The following ECE1 variants were observed in gnomAD, a reference collection of about 807,000 sequenced individuals.
The protein encoded by ECE1 is endothelin converting enzyme 1.
Under a neutral mutation model 98.6 loss-of-function variants are expected in ECE1, and 35 were observed. The ratio of observed to expected loss-of-function variants is 0.35; its 90% CI spans 0.27 to 0.47. The LOEUF (loss-of-function observed/expected upper bound fraction) is 0.47, where lower values mean the gene tolerates loss of function less well. ECE1 is among the 20% of genes least tolerant of loss of function. ECE1 has a pLI of 1.00. For synonymous variants in ECE1, 394 were observed against 407.1 expected, an observed-to-expected ratio of 0.97 and a Z score of 0.39; for missense variants, 814 against 1,025.3, an observed-to-expected ratio of 0.79 and a Z score of 2.81.
chr1:21,297,116 G>A (rs748168315), intron 1 of ECE1, among the ~76,000 whole-genome samples: 4 of 152,236 alleles, frequency 2.6e-5, no homozygotes, highest in Admixed American at 1.3e-4. Context: ...CTGGGCTCCC[G>A]TGAATGTGCT....
intron 14 of ECE1, among the ~76,000 whole-genome samples, chr1:21,231,527 A>T (rs2098181726): frequency 6.6e-6 from 1 of 152,102 alleles, no homozygotes; most frequent in Non-Finnish European, 1.5e-5. Flanking sequence ...TATTTAGTAG[A>T]GACGGGATTT....
Position 21,236,824 on chromosome 1 carries a change from C to T in ECE1, c.1410G>A (p.Glu470=). 6.2e-7 allele frequency: 1 copy of T among 1,613,968 alleles called. No homozygotes were observed. The highest frequency in any genetic ancestry group is 8.5e-7 in the Non-Finnish European group (1 of 1,180,008). Residue 470 remains glutamate (E), a synonymous_variant, in exon 12 of 19, where the codon GAG becomes GAA. Coordinates refer to ENST00000374893, the MANE Select transcript of ECE1 (RefSeq NM_001397.3). Reference sequence around the variant, plus strand: ...GGCTTTCCTCAAATGCCTTCTTAATCTCCAGGATGATCTCGGTGGCCTGAG... The same window carrying T: ...GGCTTTCCTCAAATGCCTTCTTAATTTCCAGGATGATCTCGGTGGCCTGAG... ...SKSIATEIIL[E]IKKAFEESLS...
chr1:21,264,701 A>G (rs993805783), intron 4 of ECE1, among the ~76,000 whole-genome samples: 3 of 152,234 alleles, frequency 2.0e-5, no homozygotes, highest in African/African-American at 7.2e-5. Context: ...CTTGCAGGAC[A>G]AAGCATCTCA....
At chr1:21,239,061 G>T (rs2098192160) in intron 10 of ECE1, among the ~76,000 whole-genome samples, 1 of 148,260 alleles carries the variant, frequency 6.7e-6, no homozygotes, top group Non-Finnish European at 1.5e-5. Context: ...TAGAACTCTT[G>T]GGCTCAAGTG....
chr1:21,275,002 A>T (rs1399362252), intron 3 of ECE1, among the ~76,000 whole-genome samples: 1 of 152,228 alleles, frequency 6.6e-6, no homozygotes, highest in Non-Finnish European at 1.5e-5. Flanking sequence ...AAGAATTTCC[A>T]TGTAGGTTGA....
At chr1:21,280,321 A>G (rs916356426) in intron 2 of ECE1, among the ~76,000 whole-genome samples, 1 of 152,174 alleles carries the variant, frequency 6.6e-6, no homozygotes, top group African/African-American at 2.4e-5. Context: ...GCACCAACTC[A>G]GGGCCATGCT....
At chr1:21,264,316 C>CG (rs1221122957) in intron 4 of ECE1, among the ~76,000 whole-genome samples, 1 of 80,118 alleles carries the variant, frequency 1.2e-5, no homozygotes, top group Admixed American at 1.2e-4. Context: ...AATTCCCCCC[C>CG]CCCCTTTTTT....
intron 16 of ECE1, 25 bp downstream of exon 16, chr1:21,227,128 ATGAGCC>A (rs1254038872): frequency 6.2e-7 from 1 of 1,610,916 alleles, no homozygotes; most frequent in East Asian, 2.2e-5. Flanking sequence ...GATTACAGGC[ATGAGCC>A]ATCGTGCCCA....
At chr1:21,241,947 C>G (rs1236573092) in intron 10 of ECE1, among the ~76,000 whole-genome samples, 1 of 152,158 alleles carries the variant, frequency 6.6e-6, no homozygotes, top group East Asian at 1.9e-4. Flanking sequence ...GCAGCCTCCT[C>G]CACCCTGACC....
rs1172944551 is a variant in ECE1 at position 21,219,021 on chromosome 1, A to C, written c.*934T>G. ...ACATGGGACAGCCCGAAAAGGTGGG[A>C]CTGAGAGGGGACACTTGTGGCCAGC... On this transcript the variant is annotated 3_prime_UTR_variant, in exon 19 of 19. Coordinates refer to ENST00000374893, the MANE Select transcript of ECE1 (RefSeq NM_001397.3). The surrounding 1 kb of genome is among the most constrained non-coding windows in gnomAD (Gnocchi z 4.5). The C allele has an allele frequency of 6.6e-6, 1 of 152,428 alleles. No individual in the cohort carries two copies. The highest frequency in any genetic ancestry group is 2.4e-5 in the African/African-American group (1 of 41,572). 9.4% of individuals were successfully genotyped at this position (152,428 alleles called of 1,614,324 possible). A position where few individuals can be genotyped will look rare whatever the true frequency, so the allele number is the denominator to read the frequency against.
At chr1:21,285,260 C>T (rs1473032263) in intron 2 of ECE1, among the ~76,000 whole-genome samples, 6 of 152,144 alleles carry the variant, frequency 3.9e-5, no homozygotes, top group South Asian at 2.1e-4. Context: ...CAACTTTCAT[C>T]GCTTCCCAGA....
chr1:21,245,861 A>G (rs2098202718), intron 9 of ECE1, among the ~76,000 whole-genome samples: 2 of 152,092 alleles, frequency 1.3e-5, no homozygotes, highest in Non-Finnish European at 2.9e-5. Flanking sequence ...GGAAAAAAAG[A>G]CCACATATTA....
chr1:21,290,322 G>T lies in ECE1; in HGVS notation c.51+42C>A. 2 of 1,223,002 alleles carry T rather than the reference G, an allele frequency of 1.6e-6. No homozygotes were observed. Among genetic ancestry groups the T allele is most frequent in the Non-Finnish European group, 2.0e-6 (2 of 985,072 alleles). 75.8% of individuals were successfully genotyped at this position (1,223,002 alleles called of 1,614,324 possible). ...AGCGGCCCGCGCGGGGAGGGGTCCCGCCCGCCTCCCGCCCCCGCCCTCCAG... is the reference window on the plus strand; with the variant it reads ...AGCGGCCCGCGCGGGGAGGGGTCCCTCCCGCCTCCCGCCCCCGCCCTCCAG... On this transcript the variant is annotated intron_variant, in intron 1 of 18. Transcript: ENST00000374893. The surrounding 1 kb of genome is among the most constrained non-coding windows in gnomAD (Gnocchi z 7.3).
chr1:21,281,496 C>T (rs1237363305), intron 2 of ECE1, among the ~76,000 whole-genome samples: 1 of 152,174 alleles, frequency 6.6e-6, no homozygotes, highest in Non-Finnish European at 1.5e-5. Flanking sequence ...AATCAGTTAT[C>T]TCACACACTT....
At chr1:21,321,106 G>C in intron 1 of ECE1, among the ~76,000 whole-genome samples, 1 of 152,204 alleles carries the variant, frequency 6.6e-6, no homozygotes, top group East Asian at 1.9e-4. Flanking sequence ...GGAAACCGAG[G>C]TTCCAAGAGG....
chr1:21,320,180 G>A (rs1277907102), intron 1 of ECE1, among the ~76,000 whole-genome samples: 1 of 152,224 alleles, frequency 6.6e-6, no homozygotes, highest in Non-Finnish European at 1.5e-5. Context: ...TTCTGTTTGA[G>A]GTTTGCTGCG....
chr1:21,302,739 C>T (rs894535493), intron 1 of ECE1, among the ~76,000 whole-genome samples: 5 of 152,310 alleles, frequency 3.3e-5, no homozygotes, highest in Non-Finnish European at 7.3e-5. Flanking sequence ...CTCCCCTGGC[C>T]CGCCCTGCCC....
chr1:21,316,762 G>A (rs1314409461), intron 1 of ECE1, among the ~76,000 whole-genome samples: 2 of 152,144 alleles, frequency 1.3e-5, no homozygotes, highest in Admixed American at 6.5e-5. Context: ...AATACTACAC[G>A]GTAATGAAAA....
In ECE1 at chr1:21,235,871, C is replaced by T. The variant is rs1378770302; in HGVS notation, c.1545G>A (p.Glu515=). 6.8e-6 allele frequency: 11 copies of T among 1,614,086 alleles called. No homozygotes were observed. The highest frequency in any genetic ancestry group is 9.3e-6 in the Non-Finnish European group (11 of 1,180,048). Residue 515 remains glutamate, a synonymous_variant, in exon 13 of 19, where the codon GAG becomes GAA. Transcript: ENST00000374893. The surrounding 1 kb of genome is among the most constrained non-coding windows in gnomAD (Gnocchi z 4.2). The part of the protein sequence containing the change: ...GYPNFIMDPK[E]LDKVFNDYTA... Reference sequence around the variant, plus strand: ...TCACGTCATTAAACACTTTGTCCAGCTCCTTGGGATCCATGATGAAGTTGG... The same window carrying T: ...TCACGTCATTAAACACTTTGTCCAGTTCCTTGGGATCCATGATGAAGTTGG...
Sources: gnomAD v4.1 joint callset for allele counts (sites outside exome capture counted in the v4.1 genomes callset) on GRCh38, gnomAD v4.1.1 for gene constraint, Gnocchi (gnomAD v3.1) non-coding constraint, MANE v1.5 for transcripts, NCBI Gene and HGNC (gene_info 2026-07-23, HGNC 2026-07-21) for gene names.